The following C2orf42 variants were observed in gnomAD, a reference collection of about 807,000 sequenced individuals.
C2orf42 encodes chromosome 2 open reading frame 42.
A neutral mutation model predicts 58.9 loss-of-function variants in C2orf42; 44 were observed. The observed-to-expected ratio is 0.75, with a 90% confidence interval of 0.59 to 0.96. The LOEUF is 0.96. C2orf42 is among the 40% of genes least tolerant of loss of function. The pLI, the probability that C2orf42 is intolerant of heterozygous loss-of-function variation, is 0.00. For synonymous variants in C2orf42, 239 were observed against 265.4 expected (o/e 0.90, Z 0.97); for missense variants, 630 against 699.2 (o/e 0.90, Z 1.12).
At chr2:70,167,489 C>A (rs1266584857) in intron 6 of C2orf42, among the ~76,000 whole-genome samples, 2 of 152,046 alleles carry the variant, frequency 1.3e-5, no homozygotes, top group Non-Finnish European at 2.9e-5. Context: ...ACCTGTAATT[C>A]CAACACTTTG....
intron 9 of C2orf42, among the ~76,000 whole-genome samples, chr2:70,155,337 C>A (rs115835587): frequency 0.025 from 3,747 of 152,200 alleles, 159 homozygotes; most frequent in African/African-American, 0.086. Flanking sequence ...TTTAAAAATT[C>A]TTTTATAGAG....
chr2:70,155,765 A>T lies in C2orf42; in HGVS notation c.1516+4860T>A, dbSNP rs190931406. ...CAGTGAGCCGAGATTGCGCCACTGC[A>T]CTCCAGCCTGGGTGACAGAGTGAGA... On this transcript the variant is annotated intron_variant, in intron 9 of 9. Transcript: ENST00000264434. 2.6e-4 allele frequency among the ~76,000 whole-genome samples: 40 copies of T among 151,462 alleles called. No individual in the cohort carries two copies. The East Asian group carries it at 7.6e-3, about 29-fold the overall frequency.
chr2:70,159,897 T>C (rs1392131519), intron 9 of C2orf42, among the ~76,000 whole-genome samples: 2 of 152,100 alleles, frequency 1.3e-5, no homozygotes, highest in East Asian at 3.8e-4. Flanking sequence ...TTAAGTATAT[T>C]AAAACTAAGA....
chr2:70,178,569 G>C (rs1347868610), intron 4 of C2orf42, among the ~76,000 whole-genome samples: 2 of 151,848 alleles, frequency 1.3e-5, no homozygotes, highest in South Asian at 2.1e-4. Context: ...GATCGCATCA[G>C]TGTACTCCAG....
At chr2:70,172,675 G>C (rs1361469456) in intron 5 of C2orf42, among the ~76,000 whole-genome samples, 1 of 151,674 alleles carries the variant, frequency 6.6e-6, no homozygotes, top group Non-Finnish European at 1.5e-5. Flanking sequence ...CTGTGTCAAA[G>C]AAAAACACAA....
chr2:70,150,368 A>G lies in C2orf42; in HGVS notation c.1713T>C (p.Ile571=). 2 of 1,613,816 alleles carry G rather than the reference A, an allele frequency of 1.2e-6. No homozygotes were observed. Among genetic ancestry groups the G allele is most frequent in the South Asian group, 1.1e-5 (1 of 91,064 alleles). ...ATCTTGTTTTGCTTTAAGGGAAAGT[A>G]ATAGTGGTCAGAGGGGCCAGTTCCA... ...QPLELAPLTT[I]TFP Residue 571 remains isoleucine (I), a synonymous_variant, in exon 10 of 10, where the codon ATT becomes ATC. Transcript: ENST00000264434.
In C2orf42 at chr2:70,161,538, A is replaced by AT. The variant is rs1673049313; in HGVS notation, c.1354-752_1354-751insA. On this transcript the variant is annotated intron_variant, in intron 8 of 9. Coordinates refer to ENST00000264434, the MANE Select transcript of C2orf42 (RefSeq NM_017880.3). ...CCTTTTCTAGGGTTCACATGTATTT[A>AT]CTTTTTTTAAGAGGCAAGGTCGCTA... Among the ~76,000 whole-genome samples, 4 of 152,144 alleles carry AT rather than the reference A, an allele frequency of 2.6e-5. No individual in the cohort carries two copies. The South Asian group carries it at 8.3e-4, about 32-fold the overall frequency.
At chr2:70,154,928 T>C (rs1200475538) in intron 9 of C2orf42, among the ~76,000 whole-genome samples, 4 of 151,998 alleles carry the variant, frequency 2.6e-5, no homozygotes, top group African/African-American at 7.2e-5. Context: ...GCTAATTTTT[T>C]TTTTTTTGAA....
intron 6 of C2orf42, among the ~76,000 whole-genome samples, chr2:70,166,404 AC>A (rs948210436): frequency 1.3e-4 from 20 of 149,524 alleles, no homozygotes; most frequent in African/African-American, 4.7e-4. Flanking sequence ...GGTGACTCAC[AC>A]CTGTAATCCC....
At chr2:70,190,872 C>T (rs1238264798) in intron 1 of C2orf42, 101 bp downstream of exon 1, 2 of 152,614 alleles carry the variant, frequency 1.3e-5, no homozygotes, top group African/African-American at 2.4e-5. Context: ...GCTCTACACC[C>T]CTGCCCCACC....
intron 6 of C2orf42, among the ~76,000 whole-genome samples, chr2:70,165,928 T>A (rs1284091403): frequency 6.6e-6 from 1 of 151,966 alleles, no homozygotes; most frequent in Non-Finnish European, 1.5e-5. Context: ...TCTCACTCTG[T>A]TGCCCAGGCT....
chr2:70,159,219 A>G (rs955679186), intron 9 of C2orf42, among the ~76,000 whole-genome samples: 6 of 152,140 alleles, frequency 3.9e-5, no homozygotes, highest in Non-Finnish European at 8.8e-5. Context: ...AGCTACAAAA[A>G]TAAAACAGTT....
chr2:70,190,980 C>T lies in C2orf42; in HGVS notation c.-289G>A, dbSNP rs1275274895. On this transcript the variant is annotated 5_prime_UTR_variant, in exon 1 of 10. Transcript: ENST00000264434. ...GCTGACGACCGCCCTCACCTCTTCT[C>T]TCTTCGCCTGCCGCGGCCTTTTACA... The T allele has an allele frequency of 6.5e-6, 1 of 152,752 alleles. No individual in the cohort carries two copies. The highest frequency in any genetic ancestry group is 1.5e-5 in the Non-Finnish European group (1 of 68,460). 9.5% of individuals were successfully genotyped at this position (152,752 alleles called of 1,614,324 possible). A position where few individuals can be genotyped will look rare whatever the true frequency, so the allele number is the denominator to read the frequency against.
At chr2:70,183,886 G>A (rs1416361464) in intron 1 of C2orf42, among the ~76,000 whole-genome samples, 2 of 151,830 alleles carry the variant, frequency 1.3e-5, no homozygotes, top group African/African-American at 4.8e-5. Context: ...GCTTACTGCA[G>A]ACTCAACCTC....
chr2:70,185,497 G>A (rs1674870046), intron 1 of C2orf42, among the ~76,000 whole-genome samples: 1 of 152,012 alleles, frequency 6.6e-6, no homozygotes, highest in East Asian at 1.9e-4. Flanking sequence ...GGTCACTTGA[G>A]GCCAGGAGTT....
chr2:70,162,158 C>T (rs1673090563), intron 8 of C2orf42, among the ~76,000 whole-genome samples: 1 of 151,514 alleles, frequency 6.6e-6, no homozygotes, highest in Non-Finnish European at 1.5e-5. Flanking sequence ...ATTACAGGAG[C>T]AAGCCACCAC....
At chr2:70,172,405 C>T (rs1007951987) in intron 5 of C2orf42, among the ~76,000 whole-genome samples, 7 of 151,674 alleles carry the variant, frequency 4.6e-5, no homozygotes, top group African/African-American at 1.5e-4. Flanking sequence ...ATTCCGGGCA[C>T]GGTGGCTCAT....
chr2:70,168,005 G>A (rs1673521010), intron 6 of C2orf42, among the ~76,000 whole-genome samples: 1 of 151,950 alleles, frequency 6.6e-6, no homozygotes, highest in African/African-American at 2.4e-5. Context: ...GGCCGAGGTA[G>A]GTGGATCACC....
chr2:70,165,501 T>A (rs777331558), intron 7 of C2orf42, 27 bp downstream of exon 7: 19 of 1,197,826 alleles, frequency 1.6e-5, no homozygotes, highest in Non-Finnish European at 2.4e-5. Context: ...GAGACATCCA[T>A]CACTATACCA....
Sources: allele counts gnomAD v4.1 joint callset (sites outside exome capture counted in the v4.1 genomes callset), GRCh38; gene constraint gnomAD v4.1.1; transcripts MANE v1.5; gene names NCBI Gene and HGNC (gene_info 2026-07-23, HGNC 2026-07-21).